EEF1G: variants seen among roughly 807,000 people sequenced by gnomAD.
EEF1G encodes the protein elongation factor 1-gamma.
A neutral mutation model predicts 58.3 loss-of-function variants in EEF1G; 14 were observed. The observed-to-expected ratio is 0.24, with a 90% CI of 0.16 to 0.38. The LOEUF is 0.38. Ranked by LOEUF, EEF1G falls within the 10% of genes least tolerant of loss-of-function variation. The probability of loss-of-function intolerance (pLI) is 1.00; values close to 1 mark genes in which losing one functional copy is unlikely to be tolerated. For synonymous variants in EEF1G, 180 were observed against 206.8 expected (o/e 0.87, Z 1.11); for missense variants, 322 against 550.1 (o/e 0.59, Z 4.15).
chr11:62,562,057 T>C (rs916041010), intron 7 of EEF1G, among the ~76,000 whole-genome samples: 3 of 152,236 alleles, frequency 2.0e-5, no homozygotes, highest in Non-Finnish European at 4.4e-5. Context: ...TTGAGTTGTG[T>C]CCCGCATAGC....
chr11:62,572,472 A>G, intron 2 of EEF1G, 112 bp downstream of exon 2: 1 of 1,399,018 alleles, frequency 7.1e-7, no homozygotes, highest in African/African-American at 1.4e-5. Flanking sequence ...CCGAAATTGA[A>G]TAAAACAACA....
chr11:62,573,459 G>C, intron 1 of EEF1G: 1 of 321,436 alleles, frequency 3.1e-6, no homozygotes. Context: ...AGCCGGACCT[G>C]CCTACAAAGA....
At chr11:62,572,875 C>T (rs549253371) in intron 1 of EEF1G, 133 bp from the exon 2 acceptor site, 19 of 768,672 alleles carry the variant, frequency 2.5e-5, no homozygotes, top group African/African-American at 1.9e-4. Flanking sequence ...TGAACCAAGT[C>T]CTTTAGTACT....
intron 7 of EEF1G, among the ~76,000 whole-genome samples, chr11:62,565,041 C>A (rs569004680): frequency 6.6e-6 from 1 of 151,880 alleles, no homozygotes; most frequent in African/African-American, 2.4e-5. Flanking sequence ...CCACTGCACT[C>A]CAGCCTGGGT....
intron 6 of EEF1G, 34 bp from the exon 7 acceptor site, chr11:62,567,044 G>A (rs959243134): frequency 2.9e-5 from 46 of 1,606,638 alleles, no homozygotes; most frequent in Non-Finnish European, 3.7e-5. Flanking sequence ...GTGAACGAAT[G>A]TTCTGCCTCT....
At chr11:62,569,770 ATGAGG>A in intron 5 of EEF1G, among the ~76,000 whole-genome samples, 1 of 152,316 alleles carries the variant, frequency 6.6e-6, no homozygotes, top group South Asian at 2.1e-4. Flanking sequence ...GATGATCCCC[ATGAGG>A]CCCCTGGCAC....
intron 5 of EEF1G, among the ~76,000 whole-genome samples, chr11:62,568,097 G>A (rs531601093): frequency 6.6e-5 from 10 of 151,514 alleles, no homozygotes; most frequent in South Asian, 4.2e-4. Context: ...GCGTGATGGC[G>A]GGCAGCTGTA....
chr11:62,573,636 A>C (rs1590712801), intron 1 of EEF1G, 195 bp downstream of exon 1: 2 of 747,304 alleles, frequency 2.7e-6, no homozygotes, highest in Non-Finnish European at 4.4e-6. Flanking sequence ...AGACCCTTCC[A>C]CCTCTGGCCT....
chr11:62,561,510 TAAAAAAA>T (rs71458419), intron 7 of EEF1G, among the ~76,000 whole-genome samples: 16 of 102,360 alleles, frequency 1.6e-4, no homozygotes, highest in African/African-American at 5.1e-4. Flanking sequence ...CTATCTCTAC[TAAAAAAA>T]AAAAAAAAAA....
chr11:62,561,854 C>T (rs1422676031), intron 7 of EEF1G, among the ~76,000 whole-genome samples: 2 of 152,086 alleles, frequency 1.3e-5, no homozygotes, highest in East Asian at 1.9e-4. Flanking sequence ...CTGGGAAAGC[C>T]GGACAAACTC....
At position 62,559,724 on chromosome 11, in the gene EEF1G, G is replaced by C; in HGVS notation, c.1269C>G (p.Phe423Leu). 3 of 1,613,998 alleles carry C rather than the reference G, an allele frequency of 1.9e-6. No homozygotes were observed. The highest frequency in any genetic ancestry group is 8.5e-7 in the Non-Finnish European group (1 of 1,179,890). Residue 423 changes from phenylalanine to leucine, a missense_variant, in exon 10 of 10, where the codon TTC becomes TTG. By Grantham distance (22) the Phe-to-Leu change is conservative (BLOSUM62 0). Transcript: ENST00000329251. ...GATTGAAGGCTTTGCCCACATGCTG[G>C]AAGGCCCCCTCCCAGGAAAAGTACT... ...VREYFSWEGA[F>L]QHVGKAFNQG...
chr11:62,559,967 T>C, intron 9 of EEF1G, 102 bp downstream of exon 9: 1 of 1,607,518 alleles, frequency 6.2e-7, no homozygotes, highest in Non-Finnish European at 8.5e-7. Flanking sequence ...CCTATAAGCA[T>C]TCCTGAACCC....
At chr11:62,563,872 T>A (rs540838271) in intron 7 of EEF1G, among the ~76,000 whole-genome samples, 2 of 152,212 alleles carry the variant, frequency 1.3e-5, no homozygotes, top group Non-Finnish European at 2.9e-5. Context: ...AGAGACCTCA[T>A]CTGAGGAGCC....
chr11:62,569,076 TACACACACGCAC>T (rs1565262115), intron 5 of EEF1G, among the ~76,000 whole-genome samples: 1 of 143,810 alleles, frequency 7.0e-6, no homozygotes, highest in African/African-American at 2.5e-5. Context: ...GGCCATACTA[TACACACACGCAC>T]ACACACACAC....
rs1384697711 is a variant in EEF1G, at chr11:62,571,529, C to G, written c.378+11G>C. 3 of 1,592,134 alleles carry G rather than the reference C, an allele frequency of 1.9e-6. No individual in the cohort carries two copies. Among genetic ancestry groups the G allele is most frequent in the Non-Finnish European group, 8.6e-7 (1 of 1,168,798 alleles). ...CCTGCCCCTGGCTTCTCTCAAAGTT[C>G]CAAGGCTCACCTGTTTGTTGTGGTG... On this transcript the variant is annotated intron_variant, in intron 4 of 9. Transcript: ENST00000329251.
At chr11:62,573,207 GT>G (rs1941657915) in intron 1 of EEF1G, 1 of 157,118 alleles carries the variant, frequency 6.4e-6, no homozygotes. Flanking sequence ...GAGATTTCTA[GT>G]TCCCCTCAGA....
chr11:62,565,305 G>C (rs1941543930), intron 7 of EEF1G, among the ~76,000 whole-genome samples: 1 of 151,924 alleles, frequency 6.6e-6, no homozygotes, highest in Non-Finnish European at 1.5e-5. Flanking sequence ...AGGATCGCTT[G>C]AGTACAGGAG....
At chr11:62,563,239 G>A (rs1330096733) in intron 7 of EEF1G, among the ~76,000 whole-genome samples, 1 of 151,992 alleles carries the variant, frequency 6.6e-6, no homozygotes, top group Non-Finnish European at 1.5e-5. Context: ...CCATTCTCCT[G>A]CCTCAGCCTC....
chr11:62,566,732 G>A, intron 7 of EEF1G, 74 bp downstream of exon 7: 1 of 1,381,804 alleles, frequency 7.2e-7, no homozygotes, highest in East Asian at 2.3e-5. Flanking sequence ...CTCTAGCTGT[G>A]TGTGAGGGGG....
Sources: gnomAD v4.1 joint callset for allele counts (sites outside exome capture counted in the v4.1 genomes callset) on GRCh38, gnomAD v4.1.1 for gene constraint, MANE v1.5 for transcripts, NCBI Gene and HGNC (gene_info 2026-07-23, HGNC 2026-07-21) for gene names.